Variants in ARHGAP26 observed in about 807,000 individuals in gnomAD.
ARHGAP26 encodes Rho GTPase activating protein 26.
A neutral mutation model predicts 104.8 loss-of-function variants in ARHGAP26; 38 were observed. The observed-to-expected ratio is 0.36, with a 90% CI of 0.28 to 0.48. The LOEUF is 0.48. Ranked by LOEUF, ARHGAP26 falls within the 20% of genes least tolerant of loss-of-function variation. The pLI is 0.99. For missense variants in ARHGAP26, 704 were observed against 947.9 expected, an observed-to-expected ratio of 0.74 and a Z score of 3.38; for synonymous variants, 341 against 340.0, an observed-to-expected ratio of 1.00 and a Z score of -0.03.
At chr5:142,925,613 A>T (rs1763799363) in intron 10 of ARHGAP26, among the ~76,000 whole-genome samples, 1 of 152,214 alleles carries the variant, frequency 6.6e-6, no homozygotes, top group African/African-American at 2.4e-5. Context: ...GAAACAAAGG[A>T]CCACTTCCCT....
intron 1 of ARHGAP26, among the ~76,000 whole-genome samples, chr5:142,815,056 G>A (rs1430783621): frequency 6.6e-6 from 1 of 152,062 alleles, no homozygotes; most frequent in Admixed American, 6.5e-5. Context: ...GCTGGAGTGG[G>A]GTGGCATGAT....
At chr5:142,849,085 A>G (rs553978409) in intron 1 of ARHGAP26, among the ~76,000 whole-genome samples, 104 of 152,322 alleles carry the variant, frequency 6.8e-4, no homozygotes, top group African/African-American at 2.4e-3. Flanking sequence ...TTTTTTATCA[A>G]ATGTGTTTAT....
At chr5:143,130,630 G>A (rs1797222711) in intron 18 of ARHGAP26, among the ~76,000 whole-genome samples, 1 of 152,192 alleles carries the variant, frequency 6.6e-6, no homozygotes, top group South Asian at 2.1e-4. Context: ...CTTCCAAAAT[G>A]AAATAGGATT....
At chr5:142,949,218 AGAGGAGAGAGAGAGG>A (rs1767859269) in intron 11 of ARHGAP26, among the ~76,000 whole-genome samples, 1 of 73,350 alleles carries the variant, frequency 1.4e-5, no homozygotes, top group African/African-American at 1.2e-4. Flanking sequence ...AGAGAGAGAG[AGAGGAGAGAGAGAGG>A]AGAGAGAGAG....
chr5:143,149,564 G>A (rs1221937601), intron 20 of ARHGAP26, among the ~76,000 whole-genome samples: 2 of 152,100 alleles, frequency 1.3e-5, no homozygotes, highest in Non-Finnish European at 2.9e-5. Flanking sequence ...CTGTTAGGCA[G>A]TCCTAACAAA....
In ARHGAP26 at chr5:143,207,325, G is replaced by A; in HGVS notation, c.2099+17G>A. ...CCCCGTCAGGTCTGTTGCAGGGTTTGTTTGGTTTTCTGTTGCTGCCGTTGT... is the reference window on the plus strand; with the variant it reads ...CCCCGTCAGGTCTGTTGCAGGGTTTATTTGGTTTTCTGTTGCTGCCGTTGT... On this transcript the variant is annotated intron_variant, in intron 21 of 22. Coordinates refer to ENST00000645722, the MANE Select transcript of ARHGAP26 (RefSeq NM_001135608.3). The A allele has an allele frequency of 6.2e-7, 1 of 1,614,142 alleles. No individual in the cohort carries two copies. Among genetic ancestry groups the A allele is most frequent in the Non-Finnish European group, 8.5e-7 (1 of 1,180,024 alleles).
intron 3 of ARHGAP26, among the ~76,000 whole-genome samples, chr5:142,876,482 A>T (rs1014422982): frequency 3.9e-5 from 6 of 152,224 alleles, no homozygotes; most frequent in East Asian, 3.9e-4. Flanking sequence ...AAAAAATATT[A>T]AAAAATGTGG....
chr5:142,988,429 T>C (rs6870936), intron 11 of ARHGAP26, among the ~76,000 whole-genome samples: 5,121 of 152,236 alleles, frequency 0.034, 303 homozygotes, highest in African/African-American at 0.12. Flanking sequence ...TTTTGATCTT[T>C]TCAAAAAACT....
intron 1 of ARHGAP26, among the ~76,000 whole-genome samples, chr5:142,863,123 CTTTTT>C (rs960878565): frequency 3.9e-5 from 4 of 102,312 alleles, no homozygotes; most frequent in African/African-American, 1.5e-4. Flanking sequence ...TTTTTTTTTT[CTTTTT>C]GAGAAGGAGT....
chr5:142,950,956 T>C (rs887866412), intron 11 of ARHGAP26, among the ~76,000 whole-genome samples: 11 of 151,718 alleles, frequency 7.3e-5, no homozygotes, highest in African/African-American at 2.4e-4. Context: ...CCTTTCCCTT[T>C]CCCTTTCCCT....
At position 142,863,677 on chromosome 5, in the gene ARHGAP26, C is replaced by T. The variant is rs75067605; in HGVS notation, c.155-9723C>T. Among the ~76,000 whole-genome samples the T allele has an allele frequency of 4.5e-3, 691 of 152,242 alleles. 9 individuals carry two copies. Among genetic ancestry groups the T allele is most frequent in the African/African-American group, 0.016 (658 of 41,516 alleles). ...TCTTGAGTGGGAGTCCAAACCCTTGCCTTGGAGGGTGTGGTGCCTGGATCA... is the reference window on the plus strand; with the variant it reads ...TCTTGAGTGGGAGTCCAAACCCTTGTCTTGGAGGGTGTGGTGCCTGGATCA... On this transcript the variant is annotated intron_variant, in intron 1 of 22. Transcript: ENST00000645722.
chr5:142,928,666 A>G (rs1764264182), intron 10 of ARHGAP26, among the ~76,000 whole-genome samples: 1 of 152,154 alleles, frequency 6.6e-6, no homozygotes, highest in Non-Finnish European at 1.5e-5. Flanking sequence ...AAGATACTTA[A>G]CCTCTCTGAG....
chr5:143,119,293 T>C (rs1485832958), intron 17 of ARHGAP26, among the ~76,000 whole-genome samples: 2 of 152,232 alleles, frequency 1.3e-5, no homozygotes, highest in African/African-American at 4.8e-5. Context: ...AAATAGCTTG[T>C]TGATTCACTT....
Position 142,965,356 on chromosome 5 carries a change from C to T in ARHGAP26, c.1107+33231C>T, listed in dbSNP as rs558977400. 5.9e-5 allele frequency among the ~76,000 whole-genome samples: 9 copies of T among 152,320 alleles called. No homozygotes were observed. In the South Asian group the frequency reaches 1.7e-3, roughly 28 times the overall value. On this transcript the variant is annotated intron_variant, in intron 11 of 22. Coordinates refer to ENST00000645722, the MANE Select transcript of ARHGAP26 (RefSeq NM_001135608.3). ...CCAGGGAAAAGGAGACTCCCTTTCC[C>T]GGTCTGCTAAGTAGCGGGTATTGTT...
At chr5:143,082,575 A>G (rs938997059) in intron 17 of ARHGAP26, among the ~76,000 whole-genome samples, 2 of 152,238 alleles carry the variant, frequency 1.3e-5, no homozygotes, top group African/African-American at 4.8e-5. Flanking sequence ...CTGAGATTCA[A>G]AGTTACATAC....
chr5:143,123,294 G>A (rs1796348799), intron 18 of ARHGAP26, among the ~76,000 whole-genome samples: 1 of 152,214 alleles, frequency 6.6e-6, no homozygotes, highest in Non-Finnish European at 1.5e-5. Flanking sequence ...GAGAGCAATT[G>A]GAATAAGCCA....
At chr5:143,154,267 A>G (rs1383034760) in intron 20 of ARHGAP26, among the ~76,000 whole-genome samples, 1 of 152,120 alleles carries the variant, frequency 6.6e-6, no homozygotes, top group Non-Finnish European at 1.5e-5. Context: ...GAGAAGTCCC[A>G]GGGAGAAAAC....
chr5:143,066,547 C>T (rs765268167), intron 17 of ARHGAP26, among the ~76,000 whole-genome samples: 6 of 152,092 alleles, frequency 3.9e-5, no homozygotes, highest in Non-Finnish European at 7.4e-5. Context: ...AATCCGGGAA[C>T]GGGAGAAAGA....
intron 17 of ARHGAP26, among the ~76,000 whole-genome samples, chr5:143,076,401 C>T (rs1789032340): frequency 6.6e-6 from 1 of 152,122 alleles, no homozygotes; most frequent in Admixed American, 6.5e-5. Context: ...CAGTCTCCCT[C>T]TTCTCCCTTT....
Sources: allele counts gnomAD v4.1 joint callset (sites outside exome capture counted in the v4.1 genomes callset), GRCh38; gene constraint gnomAD v4.1.1; transcripts MANE v1.5; gene names NCBI Gene and HGNC (gene_info 2026-07-23, HGNC 2026-07-21).